Variants in FBXL17 observed in about 807,000 individuals in gnomAD.
The protein encoded by FBXL17 is F-box/LRR-repeat protein 17.
Under a neutral mutation model 66.2 loss-of-function variants are expected in FBXL17, and 22 were observed. The observed-to-expected ratio is 0.33, with a 90% CI of 0.24 to 0.47. The LOEUF (loss-of-function observed/expected upper bound fraction) is 0.47. Ranked by LOEUF, FBXL17 falls within the 20% of genes least tolerant of loss-of-function variation. The probability of loss-of-function intolerance (pLI) is 1.00; values close to 1 mark genes in which losing one functional copy is unlikely to be tolerated. For synonymous variants in FBXL17, 474 were observed against 400.5 expected, an observed-to-expected ratio of 1.18 and a Z score of -2.19; for missense variants, 878 against 948.2, an observed-to-expected ratio of 0.93 and a Z score of 0.97.
chr5:108,018,722 T>A (rs1211941212), intron 7 of FBXL17, among the ~76,000 whole-genome samples: 1 of 152,140 alleles, frequency 6.6e-6, no homozygotes, highest in African/African-American at 2.4e-5. Context: ...AGAAAAATCA[T>A]GATCAATTTC....
intron 1 of FBXL17, among the ~76,000 whole-genome samples, chr5:108,378,144 A>G (rs1303614701): frequency 6.6e-6 from 1 of 152,086 alleles, no homozygotes; most frequent in Non-Finnish European, 1.5e-5. Context: ...ACCTATATAA[A>G]AGAGAAACAT....
At chr5:107,985,824 T>G (rs1752992179) in intron 7 of FBXL17, among the ~76,000 whole-genome samples, 1 of 152,150 alleles carries the variant, frequency 6.6e-6, no homozygotes, top group South Asian at 2.1e-4. Flanking sequence ...ATAATCTCTT[T>G]TGGTTTTGCT....
chr5:108,253,070 C>T (rs1448564937), intron 4 of FBXL17, among the ~76,000 whole-genome samples: 3 of 152,064 alleles, frequency 2.0e-5, no homozygotes, highest in Admixed American at 2.0e-4. Flanking sequence ...AAGCAGATTA[C>T]CATATCAATA....
chr5:108,126,788 G>C (rs571924853), intron 6 of FBXL17, among the ~76,000 whole-genome samples: 1 of 150,744 alleles, frequency 6.6e-6, no homozygotes, highest in Non-Finnish European at 1.5e-5. Context: ...CAATATTTTT[G>C]ATAAAAAGGT....
intron 4 of FBXL17, among the ~76,000 whole-genome samples, chr5:108,309,002 C>T (rs1758987236): frequency 6.6e-6 from 1 of 151,772 alleles, no homozygotes; most frequent in Admixed American, 6.6e-5. Context: ...GGAAATAATT[C>T]CAAGAGTAAA....
intron 4 of FBXL17, among the ~76,000 whole-genome samples, chr5:108,289,918 G>A (rs369775877): frequency 1.3e-5 from 2 of 152,034 alleles, no homozygotes; most frequent in Admixed American, 1.3e-4. Context: ...AAAATTCAGG[G>A]GAAAGTCTTT....
chr5:108,052,978 G>A (rs1476840510), intron 6 of FBXL17, among the ~76,000 whole-genome samples: 1 of 152,180 alleles, frequency 6.6e-6, no homozygotes, highest in Non-Finnish European at 1.5e-5. Flanking sequence ...ATGGTGCTGG[G>A]AAAACTGGCT....
intron 6 of FBXL17, among the ~76,000 whole-genome samples, chr5:108,095,066 G>C (rs968708952): frequency 5.9e-5 from 9 of 151,980 alleles, no homozygotes; most frequent in African/African-American, 2.2e-4. Flanking sequence ...GTATATAAGT[G>C]AGTCCTCTTA....
intron 3 of FBXL17, among the ~76,000 whole-genome samples, chr5:108,357,007 A>G (rs916163967): frequency 2.6e-5 from 4 of 152,102 alleles, no homozygotes; most frequent in Non-Finnish European, 5.9e-5. Flanking sequence ...AAGTCAAAAG[A>G]GCATTCACAA....
At chr5:108,098,348 C>T (rs1287445400) in intron 6 of FBXL17, among the ~76,000 whole-genome samples, 1 of 152,110 alleles carries the variant, frequency 6.6e-6, no homozygotes, top group Non-Finnish European at 1.5e-5. Context: ...GCCTGAGCCA[C>T]AGAGTGAGAC....
intron 8 of FBXL17, chr5:107,880,054 G>C (rs1227776694): frequency 2.9e-6 from 1 of 340,018 alleles, no homozygotes; most frequent in East Asian, 1.7e-4. Context: ...TGGAGTGCCT[G>C]GTGTCCAGTA....
chr5:107,932,918 T>C (rs2112577662), intron 7 of FBXL17, among the ~76,000 whole-genome samples: 1 of 152,006 alleles, frequency 6.6e-6, no homozygotes, highest in South Asian at 2.1e-4. Flanking sequence ...AACTAGGAAA[T>C]TTAGGAATTG....
intron 7 of FBXL17, among the ~76,000 whole-genome samples, chr5:107,944,664 C>T (rs972316254): frequency 2.0e-5 from 3 of 152,022 alleles, no homozygotes; most frequent in Admixed American, 2.0e-4. Flanking sequence ...TTTTGTTAAC[C>T]TATTAACTTT....
intron 4 of FBXL17, among the ~76,000 whole-genome samples, chr5:108,272,123 T>A (rs1487861859): frequency 6.6e-6 from 1 of 151,948 alleles, no homozygotes; most frequent in African/African-American, 2.4e-5. Context: ...ACCCCATCTC[T>A]ACTAAAAATA....
At chr5:108,001,882 T>G (rs1753743616) in intron 7 of FBXL17, among the ~76,000 whole-genome samples, 1 of 152,096 alleles carries the variant, frequency 6.6e-6, no homozygotes, top group Admixed American at 6.5e-5. Flanking sequence ...AAACATCCTA[T>G]TGAAATTTTT....
intron 7 of FBXL17, among the ~76,000 whole-genome samples, chr5:107,896,458 T>C (rs1174209190): frequency 2.6e-5 from 4 of 152,106 alleles, no homozygotes; most frequent in African/African-American, 4.8e-5. Flanking sequence ...AGAAGGTGAG[T>C]ATTGTGAGTA....
At chr5:108,287,198 G>T (rs538559616) in intron 4 of FBXL17, among the ~76,000 whole-genome samples, 2 of 151,962 alleles carry the variant, frequency 1.3e-5, no homozygotes, top group East Asian at 1.9e-4. Context: ...ATACTATTTT[G>T]GACATAGGAC....
chr5:108,301,837 T>C (rs1433133981), intron 4 of FBXL17: 1 of 175,800 alleles, frequency 5.7e-6, no homozygotes, highest in Non-Finnish European at 1.1e-5. Flanking sequence ...TTTCTATAAA[T>C]TTTATAGATG....
At chr5:107,951,736 A>AAAACAAGTTG (rs1751504903) in intron 7 of FBXL17, among the ~76,000 whole-genome samples, 1 of 152,230 alleles carries the variant, frequency 6.6e-6, no homozygotes, top group Non-Finnish European at 1.5e-5. Context: ...TCCAAGAATG[A>AAAACAAGTTG]AAACAAGTTG....
Sources: gnomAD v4.1 joint callset for allele counts (sites outside exome capture counted in the v4.1 genomes callset) on GRCh38, gnomAD v4.1.1 for gene constraint, MANE v1.5 for transcripts, NCBI Gene and HGNC (gene_info 2026-07-23, HGNC 2026-07-21) for gene names.